Variants in STIM1 observed in about 807,000 individuals in gnomAD.
STIM1 encodes stromal interaction molecule 1.
STIM1 carries 25 observed loss-of-function variants against 74.7 expected under a neutral mutation model. The ratio of observed to expected loss-of-function variants is 0.33; its 90% CI spans 0.24 to 0.47. The LOEUF is 0.47. Among genes scored for constraint, STIM1 ranks in the 20% least tolerant of loss-of-function variants. The probability of loss-of-function intolerance (pLI) is 1.00; values close to 1 mark genes in which losing one functional copy is unlikely to be tolerated. For synonymous variants in STIM1, 328 were observed against 348.8 expected (o/e 0.94, Z 0.66); for missense variants, 728 against 920.8 (o/e 0.79, Z 2.71).
chr11:3,968,621 G>A (rs2093362497), intron 2 of STIM1, among the ~76,000 whole-genome samples: 1 of 152,198 alleles, frequency 6.6e-6, no homozygotes. Flanking sequence ...ACCATGCACT[G>A]TGCTAGGCAT....
intron 11 of STIM1, 95 bp downstream of exon 11, chr11:4,084,860 G>A (rs180930282): frequency 7.2e-6 from 7 of 968,682 alleles, no homozygotes; most frequent in Admixed American, 7.0e-5. Flanking sequence ...CCTGCTTCAC[G>A]CCCCTGCCTG....
intron 1 of STIM1, among the ~76,000 whole-genome samples, chr11:3,912,621 C>T (rs868859772): frequency 6.6e-6 from 1 of 152,282 alleles, no homozygotes; most frequent in Middle Eastern, 3.4e-3. Flanking sequence ...CCGCCTTGGC[C>T]TCCCAAAGTG....
At chr11:3,895,725 TCTTTCTTTCTTTTTCTTTCTTC>T (rs2092109319) in intron 1 of STIM1, among the ~76,000 whole-genome samples, 3 of 41,780 alleles carry the variant, frequency 7.2e-5, no homozygotes, top group Non-Finnish European at 1.2e-4. Context: ...TTTCTTTCTT[TCTTTCTTTCTTTTTCTTTCTTC>T]CTTCCTTCCT....
intron 1 of STIM1, chr11:3,947,243 G>A (rs1268259975): frequency 6.6e-6 from 1 of 152,034 alleles, no homozygotes; most frequent in Non-Finnish European, 1.5e-5. Context: ...CCCATTTCCT[G>A]TGTTTACAGC....
At chr11:3,940,176 G>C (rs565161296) in intron 1 of STIM1, among the ~76,000 whole-genome samples, 6 of 152,258 alleles carry the variant, frequency 3.9e-5, no homozygotes, top group Admixed American at 3.9e-4. Flanking sequence ...CCGTCTTCTA[G>C]TGAGCCCAGA....
chr11:4,087,228 A>G (rs2094499237), intron 12 of STIM1, among the ~76,000 whole-genome samples: 2 of 152,138 alleles, frequency 1.3e-5, no homozygotes, highest in Admixed American at 1.3e-4. Flanking sequence ...ATAGGGGTTC[A>G]CTGGTGATAA....
rs948683526 is a variant in STIM1 at position 4,019,732 on chromosome 11, G to A, written c.271-4141G>A. 3.9e-5 allele frequency among the ~76,000 whole-genome samples: 6 copies of A among 152,196 alleles called. No individual in the cohort carries two copies. In the East Asian group the frequency reaches 7.7e-4, roughly 19 times the overall value. The stretch of plus-strand genomic sequence containing the variant: ...TTGATACATGTATACAATGTATAAT[G>A]ATCAAATTAGGGGGTAAAATTAGTA... On this transcript the variant is annotated intron_variant, in intron 2 of 12. Coordinates refer to ENST00000526596, the MANE Select transcript of STIM1 (RefSeq NM_001382567.1).
At position 3,899,347 on chromosome 11, in the gene STIM1, G is replaced by C. The variant is rs1229603189; in HGVS notation, c.139+42938G>C. 5.3e-5 allele frequency among the ~76,000 whole-genome samples: 8 copies of C among 152,276 alleles called. No homozygotes were observed. In the East Asian group the frequency reaches 1.3e-3, roughly 26 times the overall value. ...GTTATTGGTGTATAAGAATGCTTGT[G>C]ATTTTTGTACATTGATTTTGTATCC... On this transcript the variant is annotated intron_variant, in intron 1 of 12. Transcript: ENST00000526596.
At chr11:3,952,925 G>A (rs2093166926) in intron 1 of STIM1, among the ~76,000 whole-genome samples, 1 of 152,224 alleles carries the variant, frequency 6.6e-6, no homozygotes, top group South Asian at 2.1e-4. Flanking sequence ...GACAGCTCCT[G>A]CATCAGAAGC....
At chr11:3,993,107 C>T (rs1223224415) in intron 2 of STIM1, among the ~76,000 whole-genome samples, 1 of 151,714 alleles carries the variant, frequency 6.6e-6, no homozygotes, top group Admixed American at 6.6e-5. Context: ...TCACTCTCCT[C>T]AAAACTTCAT....
intron 2 of STIM1, among the ~76,000 whole-genome samples, chr11:3,988,854 A>T (rs950711898): frequency 5.9e-5 from 9 of 152,310 alleles, no homozygotes; most frequent in African/African-American, 2.2e-4. Context: ...GTATTATAGG[A>T]TATAAAAACT....
At chr11:3,983,252 G>A (rs10742207) in intron 2 of STIM1, among the ~76,000 whole-genome samples, 116,538 of 152,020 alleles carry the variant, frequency 0.77, 45,783 homozygotes, top group South Asian at 0.9. Context: ...CATTTCCCCT[G>A]CCTCCAACTT....
chr11:4,033,627 G>A (rs560846731), intron 3 of STIM1, among the ~76,000 whole-genome samples: 123 of 149,352 alleles, frequency 8.2e-4, no homozygotes, highest in African/African-American at 2.3e-3. Flanking sequence ...TCGGAGTCTC[G>A]CCCTGTCGCC....
At chr11:4,068,167 C>G (rs2094380340) in intron 5 of STIM1, among the ~76,000 whole-genome samples, 1 of 152,100 alleles carries the variant, frequency 6.6e-6, no homozygotes, top group South Asian at 2.1e-4. Flanking sequence ...TATCCTTGGC[C>G]TTGGTTATTC....
rs536739031 is a variant in STIM1 at position 4,018,215 on chromosome 11, C to T, written c.271-5658C>T. On this transcript the variant is annotated intron_variant, in intron 2 of 12. Coordinates refer to ENST00000526596, the MANE Select transcript of STIM1 (RefSeq NM_001382567.1). Reference sequence around the variant, plus strand: ...CTGTAATCCCAGCACTTTGGGAGGCCGAGGCGGGTGGATCATGAGGTCAGG... The same window carrying T: ...CTGTAATCCCAGCACTTTGGGAGGCTGAGGCGGGTGGATCATGAGGTCAGG... 1.7e-4 allele frequency among the ~76,000 whole-genome samples: 25 copies of T among 149,848 alleles called. No individual in the cohort carries two copies. In the South Asian group the frequency reaches 4.9e-3, roughly 29 times the overall value.
intron 3 of STIM1, among the ~76,000 whole-genome samples, chr11:4,032,988 T>C (rs2094064404): frequency 6.6e-6 from 1 of 152,230 alleles, no homozygotes; most frequent in South Asian, 2.1e-4. Flanking sequence ...TTTATGGTTT[T>C]AGGTCTAACG....
At chr11:3,887,521 G>C (rs968105797) in intron 1 of STIM1, among the ~76,000 whole-genome samples, 7 of 152,102 alleles carry the variant, frequency 4.6e-5, no homozygotes, top group Non-Finnish European at 7.4e-5. Context: ...CTTGGGATTA[G>C]GTAAACCTAC....
chr11:4,027,520 T>G (rs180700981), intron 3 of STIM1, among the ~76,000 whole-genome samples: 281 of 152,204 alleles, frequency 1.8e-3, no homozygotes, highest in African/African-American at 6.5e-3. Flanking sequence ...CCGTGTTGGT[T>G]GGCCAGGATG....
chr11:4,068,232 C>A (rs1373470459), intron 5 of STIM1, among the ~76,000 whole-genome samples: 1 of 152,182 alleles, frequency 6.6e-6, no homozygotes, highest in Non-Finnish European at 1.5e-5. Context: ...AATAATAGAT[C>A]TGGTTCCAAA....
Sources: gnomAD v4.1 joint callset for allele counts (sites outside exome capture counted in the v4.1 genomes callset) on GRCh38, gnomAD v4.1.1 for gene constraint, MANE v1.5 for transcripts, NCBI Gene and HGNC (gene_info 2026-07-23, HGNC 2026-07-21) for gene names.